The following KIF5C variants were observed in gnomAD, a reference collection of about 807,000 sequenced individuals.
The protein encoded by KIF5C is kinesin family member 5C, also known as kinesin heavy chain isoform 5C.
In KIF5C, 18 loss-of-function variants were observed where a neutral mutation model predicts 125.2. The ratio of observed to expected loss-of-function variants is 0.14; its 90% CI spans 0.10 to 0.21. The LOEUF (loss-of-function observed/expected upper bound fraction) is 0.21, where lower values mean the gene tolerates loss of function less well. KIF5C is among the 10% of genes least tolerant of loss of function. KIF5C has a pLI of 1.00. For synonymous variants in KIF5C, 405 were observed against 434.0 expected (o/e 0.93, Z 0.83); for missense variants, 780 against 1,183.8 (o/e 0.66, Z 5.01).
intron 1 of KIF5C, among the ~76,000 whole-genome samples, chr2:148,906,088 G>A (rs1681095324): frequency 6.6e-6 from 1 of 152,102 alleles, no homozygotes; most frequent in South Asian, 2.1e-4. Flanking sequence ...ATATCAGATG[G>A]GTTTACCTAG....
intron 16 of KIF5C, among the ~76,000 whole-genome samples, chr2:148,992,100 G>A (rs1382818028): frequency 6.6e-6 from 1 of 151,994 alleles, no homozygotes; most frequent in East Asian, 1.9e-4. Flanking sequence ...ATACTGAGGC[G>A]GACAAAAGCA....
intron 16 of KIF5C, 41 bp from the exon 17 acceptor site, chr2:148,994,380 C>T (rs767283525): frequency 2.6e-6 from 4 of 1,543,692 alleles, no homozygotes; most frequent in Non-Finnish European, 3.5e-6. Context: ...CCTGGATGAC[C>T]ACTTGCTAGT....
At chr2:149,016,410 C>T (rs73011373) in intron 25 of KIF5C, among the ~76,000 whole-genome samples, 2 of 152,010 alleles carry the variant, frequency 1.3e-5, no homozygotes, top group Non-Finnish European at 2.9e-5. Context: ...CGGTACCAGA[C>T]CCAGGTGGTG....
Position 148,994,486 on chromosome 2 carries a change from A to G in KIF5C, c.1971A>G (p.Leu657=). ...MQNMEQKRRQ[L]EESQDSLSEE... ...ACATGGAACAGAAGAGGAGGCAGCT[A>G]GAAGAGTCCCAGGACTCGCTCAGCG... The change falls in exon 17 of 26, where the codon CTA becomes CTG. Residue 657 remains leucine, a synonymous_variant. Coordinates refer to ENST00000435030, the MANE Select transcript of KIF5C (RefSeq NM_004522.3). 1 of 1,576,496 alleles carries G rather than the reference A, an allele frequency of 6.3e-7. No individual in the cohort carries two copies. The highest frequency in any genetic ancestry group is 8.6e-7 in the Non-Finnish European group (1 of 1,161,112).
chr2:148,890,083 T>G (rs1331366163), intron 1 of KIF5C, among the ~76,000 whole-genome samples: 1 of 152,222 alleles, frequency 6.6e-6, no homozygotes, highest in East Asian at 1.9e-4. Flanking sequence ...TTAACTATCA[T>G]GTTGAGTACC....
chr2:148,912,001 A>G (rs1197997689), intron 1 of KIF5C, among the ~76,000 whole-genome samples: 1 of 151,986 alleles, frequency 6.6e-6, no homozygotes, highest in Non-Finnish European at 1.5e-5. Flanking sequence ...CCCCATCCCA[A>G]CTTCACTGCT....
rs73970611 is a variant in KIF5C, at chr2:148,942,405, T to A, written c.502-268T>A. On this transcript the variant is annotated intron_variant, in intron 6 of 25. Coordinates refer to ENST00000435030, the MANE Select transcript of KIF5C (RefSeq NM_004522.3). ...TTGATTTTCTGTCTTCTTAAAGTGT[T>A]GCTGTTCAGTATGAATATGTACTCA... is the stretch of plus-strand genomic sequence containing the variant. 0.14 allele frequency among the ~76,000 whole-genome samples: 21,131 copies of A among 152,188 alleles called. 2,222 individuals are homozygous for A. The highest frequency in any genetic ancestry group is 0.29 in the African/African-American group (11,898 of 41,484).
chr2:148,970,860 A>G (rs1194091110), intron 11 of KIF5C, among the ~76,000 whole-genome samples: 1 of 152,228 alleles, frequency 6.6e-6, no homozygotes, highest in Admixed American at 6.5e-5. Flanking sequence ...TGGCCATTTG[A>G]AACCAAAGAA....
chr2:148,941,582 A>C (rs974452671), intron 4 of KIF5C, 28 bp from the exon 5 acceptor site: 21 of 1,553,352 alleles, frequency 1.4e-5, no homozygotes, highest in Non-Finnish European at 1.8e-5. Context: ...CGGCATGTCT[A>C]TTCCAAGCTC....
intron 7 of KIF5C, among the ~76,000 whole-genome samples, chr2:148,946,020 T>G (rs972528538): frequency 6.6e-6 from 1 of 152,320 alleles, no homozygotes; most frequent in African/African-American, 2.4e-5. Context: ...AGTCTTTCTC[T>G]TCTTTGGTTA....
At chr2:148,976,273 A>ATTT (rs1183204271) in intron 12 of KIF5C, among the ~76,000 whole-genome samples, 7 of 149,932 alleles carry the variant, frequency 4.7e-5, no homozygotes, top group African/African-American at 1.7e-4. Flanking sequence ...TTATTTATTT[A>ATTT]TTTATTTATT....
chr2:148,922,267 G>A (rs1398801964), intron 2 of KIF5C, 40 bp downstream of exon 2: 27 of 1,340,732 alleles, frequency 2.0e-5, no homozygotes, highest in Non-Finnish European at 2.9e-5. Flanking sequence ...GCCATTCAGA[G>A]TAATTGAAAG....
chr2:149,021,816 G>A (rs1682542439), intron 25 of KIF5C, among the ~76,000 whole-genome samples: 2 of 151,294 alleles, frequency 1.3e-5, no homozygotes, highest in Admixed American at 1.3e-4. Context: ...TTAAGGATAA[G>A]GCTCTACCTC....
chr2:148,936,717 A>G, intron 3 of KIF5C, among the ~76,000 whole-genome samples: 1 of 152,232 alleles, frequency 6.6e-6, no homozygotes, highest in Non-Finnish European at 1.5e-5. Context: ...ATTTGGAACA[A>G]TTTGGCCTGG....
chr2:148,982,798 A>G (rs1031734377), intron 14 of KIF5C, among the ~76,000 whole-genome samples: 14 of 152,222 alleles, frequency 9.2e-5, no homozygotes, highest in African/African-American at 3.1e-4. Context: ...TACAGTTTTT[A>G]ATTTGCCATG....
rs75151413 is a variant in KIF5C at position 149,011,912 on chromosome 2, C to T, written c.*7+229C>T. ...GGCCCATGGGACCTGGAGCCAGGCC[C>T]GGCCTAATCCCCTCCAGGGGTAGGG... On this transcript the variant is annotated intron_variant, in intron 25 of 25. Coordinates refer to ENST00000435030, the MANE Select transcript of KIF5C (RefSeq NM_004522.3). Among the ~76,000 whole-genome samples the T allele has an allele frequency of 0.046, 6,934 of 152,234 alleles. 401 individuals carry two copies. The highest frequency in any genetic ancestry group is 0.13 in the African/African-American group (5,523 of 41,496).
At chr2:148,988,379 C>T (rs1339195271) in intron 15 of KIF5C, among the ~76,000 whole-genome samples, 1 of 152,202 alleles carries the variant, frequency 6.6e-6, no homozygotes, top group Admixed American at 6.5e-5. Flanking sequence ...GAAGAAATGT[C>T]TAGCTCTTAT....
intron 12 of KIF5C, among the ~76,000 whole-genome samples, chr2:148,975,590 A>G (rs1282511651): frequency 2.0e-5 from 3 of 152,094 alleles, no homozygotes; most frequent in Non-Finnish European, 2.9e-5. Context: ...CAGTGAATCT[A>G]TTTAGGGTGT....
intron 15 of KIF5C, among the ~76,000 whole-genome samples, 152 bp from the exon 16 acceptor site, chr2:148,990,858 T>C (rs1681505434): frequency 6.6e-6 from 1 of 152,124 alleles, no homozygotes; most frequent in African/African-American, 2.4e-5. Flanking sequence ...GAACTTGGGG[T>C]TGAATGTTTA....
Sources: gnomAD v4.1 joint callset for allele counts (sites outside exome capture counted in the v4.1 genomes callset) on GRCh38, gnomAD v4.1.1 for gene constraint, MANE v1.5 for transcripts, NCBI Gene and HGNC (gene_info 2026-07-23, HGNC 2026-07-21) for gene names.